Variants in LRRC7 observed in about 807,000 individuals in gnomAD.
LRRC7 encodes the protein leucine-rich repeat-containing protein 7.
A neutral mutation model predicts 175.7 loss-of-function variants in LRRC7; 23 were observed. That is an observed-to-expected ratio of 0.13 (90% CI 0.09 to 0.19). The LOEUF (loss-of-function observed/expected upper bound fraction) is 0.19, where lower values mean the gene tolerates loss of function less well. Among genes scored for constraint, LRRC7 ranks in the 10% least tolerant of loss-of-function variants. The probability of loss-of-function intolerance (pLI) is 1.00; values close to 1 mark genes in which losing one functional copy is unlikely to be tolerated. For missense variants in LRRC7, 1,354 were observed against 1,904.7 expected, an observed-to-expected ratio of 0.71 and a Z score of 5.38; for synonymous variants, 685 against 680.9, an observed-to-expected ratio of 1.01 and a Z score of -0.09.
At chr1:69,861,079 G>T (rs1166870268) in intron 7 of LRRC7, among the ~76,000 whole-genome samples, 6 of 151,766 alleles carry the variant, frequency 4.0e-5, no homozygotes, top group Admixed American at 6.6e-5. Flanking sequence ...AAGTATAATT[G>T]TAAAAATTAA....
intron 2 of LRRC7, among the ~76,000 whole-genome samples, chr1:69,690,267 T>G (rs75208040): frequency 0.067 from 10,184 of 152,194 alleles, 478 homozygotes; most frequent in East Asian, 0.21. Flanking sequence ...ACTGGGCTTT[T>G]TAAAAAATGC....
chr1:69,747,591 T>C (rs1175315242), intron 2 of LRRC7, among the ~76,000 whole-genome samples: 2 of 152,174 alleles, frequency 1.3e-5, no homozygotes, highest in Non-Finnish European at 2.9e-5. Context: ...TTCATTCTAT[T>C]CTCTTAATTC....
At chr1:69,589,115 GGTGTGTGTGTGTGTGT>G (rs55678803) in intron 1 of LRRC7, among the ~76,000 whole-genome samples, 1 of 142,354 alleles carries the variant, frequency 7.0e-6, no homozygotes, top group Non-Finnish European at 1.5e-5. Flanking sequence ...TCATAAAAAG[GGTGTGTGTGTGTGTGT>G]GTGTGTGTGT....
At chr1:69,978,568 G>T (rs1653076272) in intron 8 of LRRC7, among the ~76,000 whole-genome samples, 2 of 152,100 alleles carry the variant, frequency 1.3e-5, no homozygotes, top group African/African-American at 2.4e-5. Context: ...CTACCTCATG[G>T]ATGCCTTTCA....
intron 3 of LRRC7, among the ~76,000 whole-genome samples, chr1:69,774,652 A>G (rs969453095): frequency 2.0e-5 from 3 of 152,206 alleles, no homozygotes; most frequent in Non-Finnish European, 4.4e-5. Flanking sequence ...TTAAATATAC[A>G]TATTACATTT....
intron 7 of LRRC7, among the ~76,000 whole-genome samples, chr1:69,891,288 G>A (rs770462852): frequency 1.3e-5 from 2 of 152,174 alleles, no homozygotes; most frequent in Non-Finnish European, 2.9e-5. Flanking sequence ...TGTGTCTCAG[G>A]GAATAGAGAT....
chr1:69,755,610 A>G (rs1353774307), intron 2 of LRRC7, among the ~76,000 whole-genome samples: 1 of 151,738 alleles, frequency 6.6e-6, no homozygotes, highest in Non-Finnish European at 1.5e-5. Context: ...TAGCAACATT[A>G]TAACAAAGTA....
intron 18 of LRRC7, among the ~76,000 whole-genome samples, chr1:70,035,820 A>T (rs1571115272): frequency 6.6e-6 from 1 of 151,876 alleles, no homozygotes; most frequent in African/African-American, 2.4e-5. Context: ...TAGATTATAA[A>T]CTCCCAGAGG....
At chr1:69,643,998 C>G (rs1041891176) in intron 1 of LRRC7, among the ~76,000 whole-genome samples, 2 of 152,002 alleles carry the variant, frequency 1.3e-5, no homozygotes, top group Non-Finnish European at 2.9e-5. Flanking sequence ...AAAAATGTAG[C>G]AAAATTTGTG....
At chr1:70,121,467 A>C (rs1016860008) in intron 26 of LRRC7, among the ~76,000 whole-genome samples, 1 of 152,088 alleles carries the variant, frequency 6.6e-6, no homozygotes, top group Non-Finnish European at 1.5e-5. Flanking sequence ...CAGCCCCTGC[A>C]AAAACAAATC....
chr1:69,644,868 A>G (rs1377631957), intron 1 of LRRC7, among the ~76,000 whole-genome samples: 1 of 152,046 alleles, frequency 6.6e-6, no homozygotes, highest in Non-Finnish European at 1.5e-5. Flanking sequence ...GATAAAGGAG[A>G]AAAACCTTGT....
chr1:70,036,674 CT>C, intron 20 of LRRC7, 50 bp downstream of exon 20: 1 of 1,535,024 alleles, frequency 6.5e-7, no homozygotes, highest in Non-Finnish European at 8.8e-7. Context: ...TTTTCAGCAA[CT>C]TTTTAAAAAA....
At chr1:69,578,270 A>G (rs1405654156) in intron 1 of LRRC7, among the ~76,000 whole-genome samples, 4 of 150,666 alleles carry the variant, frequency 2.7e-5, no homozygotes, top group Non-Finnish European at 4.4e-5. Flanking sequence ...TAGAATGGCA[A>G]TCATTAAAAA....
At chr1:69,867,711 TGAG>T (rs1279951648) in intron 7 of LRRC7, among the ~76,000 whole-genome samples, 1 of 152,046 alleles carries the variant, frequency 6.6e-6, no homozygotes, top group African/African-American at 2.4e-5. Flanking sequence ...AGTAAATGAC[TGAG>T]TTTGAATTGA....
At chr1:70,036,941 A>G (rs1199914862) in intron 20 of LRRC7, among the ~76,000 whole-genome samples, 1 of 152,246 alleles carries the variant, frequency 6.6e-6, no homozygotes, top group Non-Finnish European at 1.5e-5. Context: ...AACATACAAA[A>G]TGGCATTATG....
chr1:69,667,245 G>T (rs1010981310), intron 1 of LRRC7, among the ~76,000 whole-genome samples: 1 of 147,884 alleles, frequency 6.8e-6, no homozygotes, highest in Non-Finnish European at 1.5e-5. Flanking sequence ...CCTTGAGAAT[G>T]ATCCATGTGC....
intron 25 of LRRC7, among the ~76,000 whole-genome samples, chr1:70,101,123 A>G (rs1664776308): frequency 6.6e-6 from 1 of 152,264 alleles, no homozygotes; most frequent in Non-Finnish European, 1.5e-5. Context: ...AAGAAGATTA[A>G]TATTTGCTAC....
chr1:70,059,474 A>ATGTGTGTGTGTGTGTGTGT (rs1661405690), intron 23 of LRRC7, among the ~76,000 whole-genome samples: 1 of 132,194 alleles, frequency 7.6e-6, no homozygotes, highest in Non-Finnish European at 1.6e-5. Flanking sequence ...ACTAGAAGAA[A>ATGTGTGTGTGTGTGTGTGT]GTGTGTGTGT....
intron 23 of LRRC7, among the ~76,000 whole-genome samples, chr1:70,069,427 C>T (rs927344083): frequency 6.6e-6 from 1 of 152,118 alleles, no homozygotes; most frequent in Non-Finnish European, 1.5e-5. Context: ...TGGTCCCGCC[C>T]TTGACATGTG....
Sources: allele counts gnomAD v4.1 joint callset (sites outside exome capture counted in the v4.1 genomes callset), GRCh38; gene constraint gnomAD v4.1.1; transcripts MANE v1.5; gene names NCBI Gene and HGNC (gene_info 2026-07-23, HGNC 2026-07-21).